The following MYT1L variants were observed in gnomAD, a reference collection of about 807,000 sequenced individuals.
MYT1L encodes the protein myelin transcription factor 1-like protein.
A neutral mutation model predicts 126.7 loss-of-function variants in MYT1L; 12 were observed. The observed-to-expected ratio is 0.09, with a 90% CI of 0.06 to 0.15. The LOEUF is 0.15. Among genes scored for constraint, MYT1L ranks in the 10% least tolerant of loss-of-function variants. The probability of loss-of-function intolerance (pLI) is 1.00; values close to 1 mark genes in which losing one functional copy is unlikely to be tolerated. For missense variants in MYT1L, 979 were observed against 1,585.2 expected, an observed-to-expected ratio of 0.62 and a Z score of 6.49; for synonymous variants, 541 against 604.2, an observed-to-expected ratio of 0.90 and a Z score of 1.53.
chr2:2,326,640 T>C (rs2096249291), intron 1 of MYT1L: 1 of 152,126 alleles, frequency 6.6e-6, no homozygotes, highest in Admixed American at 6.5e-5. Context: ...AAAATTTTCC[T>C]AGCAGAACAG....
In MYT1L at chr2:2,053,995, G is replaced by C. The variant is rs2069161541; in HGVS notation, c.-175C>G. 6.6e-6 allele frequency: 1 copy of C among 152,668 alleles called. No individual in the cohort carries two copies. Among genetic ancestry groups the C allele is most frequent in the Non-Finnish European group, 1.5e-5 (1 of 68,042 alleles). 9.5% of individuals were successfully genotyped at this position (152,668 alleles called of 1,614,324 possible). On this transcript the variant is annotated 5_prime_UTR_variant, in exon 4 of 25. The change creates a new upstream start codon in the 5' untranslated region. Coordinates refer to ENST00000647738, the MANE Select transcript of MYT1L (RefSeq NM_001303052.2). ...TTCCTCACCTTTAGGTGGCTCCTCG[G>C]ATATCCATACGTCTGTGAGACCAAC...
intron 4 of MYT1L, among the ~76,000 whole-genome samples, chr2:2,026,504 G>A (rs1354949244): frequency 6.6e-6 from 1 of 152,174 alleles, no homozygotes; most frequent in Non-Finnish European, 1.5e-5. Context: ...CTAAACACAC[G>A]CCAACAATAG....
rs980570874 is a variant in MYT1L, at chr2:1,889,190, G to T, written c.2520+51C>A. 35 of 1,478,618 alleles carry T rather than the reference G, an allele frequency of 2.4e-5. No homozygotes were observed. The highest frequency in any genetic ancestry group is 2.8e-5 in the Non-Finnish European group (30 of 1,071,300). The allele number at this position is 1,478,618 out of a possible 1,614,324, so 91.6% of individuals were successfully genotyped here. On this transcript the variant is annotated intron_variant, in intron 16 of 24. Transcript: ENST00000647738. The surrounding 1 kb of genome is among the most constrained non-coding windows in gnomAD (Gnocchi z 4.1). The stretch of plus-strand genomic sequence containing the variant: ...GCAAATGGCTTTTCTTTCAGCTGGG[G>T]CCCCATTTTTAAGTCTGGCAGTCAA...
At chr2:2,241,391 AT>A (rs1434621720) in intron 2 of MYT1L, among the ~76,000 whole-genome samples, 1 of 152,142 alleles carries the variant, frequency 6.6e-6, no homozygotes, top group East Asian at 1.9e-4. Context: ...TCTCGTTTCT[AT>A]GACCCCAGCA....
At chr2:2,108,192 AG>A (rs1274689637) in intron 3 of MYT1L, among the ~76,000 whole-genome samples, 1 of 152,170 alleles carries the variant, frequency 6.6e-6, no homozygotes, top group African/African-American at 2.4e-5. Flanking sequence ...CCACTGCTAG[AG>A]TCCCTCCAAA....
chr2:2,171,147 C>T (rs2089998488), intron 3 of MYT1L, among the ~76,000 whole-genome samples: 1 of 152,150 alleles, frequency 6.6e-6, no homozygotes, highest in Non-Finnish European at 1.5e-5. Flanking sequence ...CTGCTAGAAC[C>T]TCGAGATCTC....
chr2:1,984,986 C>G (rs1443021473), intron 5 of MYT1L, among the ~76,000 whole-genome samples: 1 of 152,176 alleles, frequency 6.6e-6, no homozygotes, highest in Non-Finnish European at 1.5e-5. Flanking sequence ...ACCCGAGTCT[C>G]TAGCCACAGG....
At chr2:1,815,465 C>G (rs772313070) in intron 21 of MYT1L, among the ~76,000 whole-genome samples, 1 of 152,228 alleles carries the variant, frequency 6.6e-6, no homozygotes, top group Non-Finnish European at 1.5e-5. Context: ...GTCCTTTCCA[C>G]CCTCTCCACT....
In MYT1L at chr2:1,841,136, A is replaced by G. The variant is rs566176038; in HGVS notation, c.2775-293T>C. ...TAGCCAGGATGGTCTCGATCTCCTGACCTCGTGATTTGCCCACCTCGGCCT... is the reference window on the plus strand; with the variant it reads ...TAGCCAGGATGGTCTCGATCTCCTGGCCTCGTGATTTGCCCACCTCGGCCT... On this transcript the variant is annotated intron_variant, in intron 19 of 24. Transcript: ENST00000647738. The G allele has an allele frequency of 5.7e-5, 11 of 192,000 alleles. No individual in the cohort carries two copies. In the South Asian group the frequency reaches 1.0e-3, roughly 18 times the overall value. The allele number at this position is 192,000 out of a possible 1,614,324, so 11.9% of individuals were successfully genotyped here.
chr2:2,231,120 C>T (rs17338414), intron 2 of MYT1L, among the ~76,000 whole-genome samples: 12,140 of 152,224 alleles, frequency 0.08, 561 homozygotes, highest in South Asian at 0.13. Flanking sequence ...ACTGCAAACA[C>T]AGCTTTCATT....
At chr2:1,948,696 C>CCCAGCACTGTGTCCTCGT (rs57753534) in intron 8 of MYT1L, among the ~76,000 whole-genome samples, 38,381 of 151,888 alleles carry the variant, frequency 0.25, 4,868 homozygotes, top group East Asian at 0.31. Context: ...AAGGGCTCAG[C>CCCAGCACTGTGTCCTCGT]CCAGGACCTC....
At chr2:2,002,757 A>T (rs993474309) in intron 4 of MYT1L, among the ~76,000 whole-genome samples, 2 of 152,156 alleles carry the variant, frequency 1.3e-5, no homozygotes, top group Non-Finnish European at 2.9e-5. Flanking sequence ...GGGTGGCACC[A>T]AGTGGAGGTA....
At chr2:2,193,865 T>G (rs921015302) in intron 2 of MYT1L, among the ~76,000 whole-genome samples, 36 of 152,182 alleles carry the variant, frequency 2.4e-4, no homozygotes, top group Admixed American at 6.6e-5. Flanking sequence ...GAGAAATTTC[T>G]TGAATATGAA....
At chr2:2,302,614 T>C (rs2149535554) in intron 1 of MYT1L, among the ~76,000 whole-genome samples, 1 of 152,334 alleles carries the variant, frequency 6.6e-6, no homozygotes, top group Admixed American at 6.5e-5. Context: ...CAATGAGTTC[T>C]TTCCGTCCCT....
At chr2:2,246,620 T>C in intron 2 of MYT1L, among the ~76,000 whole-genome samples, 1 of 152,200 alleles carries the variant, frequency 6.6e-6, no homozygotes, top group East Asian at 1.9e-4. Context: ...CTACTGTGTA[T>C]GAGTGATTGT....
At chr2:2,143,374 G>A (rs994512611) in intron 3 of MYT1L, among the ~76,000 whole-genome samples, 9 of 152,034 alleles carry the variant, frequency 5.9e-5, no homozygotes, top group Non-Finnish European at 1.2e-4. Context: ...ACTGACGGAG[G>A]AGGCTGTGCC....
At chr2:2,051,506 G>A (rs1017891870) in intron 4 of MYT1L, among the ~76,000 whole-genome samples, 7 of 152,254 alleles carry the variant, frequency 4.6e-5, no homozygotes, top group South Asian at 4.1e-4. Context: ...GGACACCAGC[G>A]TATCTTCAAT....
chr2:2,267,432 G>A (rs1489137389), intron 2 of MYT1L, among the ~76,000 whole-genome samples: 1 of 152,194 alleles, frequency 6.6e-6, no homozygotes, highest in Admixed American at 6.5e-5. Context: ...GCACGCTTTA[G>A]TATGTTCTAG....
chr2:2,251,332 C>T (rs2094643341), intron 2 of MYT1L, among the ~76,000 whole-genome samples: 1 of 152,176 alleles, frequency 6.6e-6, no homozygotes, highest in African/African-American at 2.4e-5. Context: ...CGTGGAGATA[C>T]GTCCGCTGCA....
Sources: gnomAD v4.1 joint callset for allele counts (sites outside exome capture counted in the v4.1 genomes callset) on GRCh38, gnomAD v4.1.1 for gene constraint, Gnocchi (gnomAD v3.1) non-coding constraint, MANE v1.5 for transcripts, NCBI Gene and HGNC (gene_info 2026-07-23, HGNC 2026-07-21) for gene names.